The following CSMD1 variants were observed in gnomAD, a reference collection of about 807,000 sequenced individuals.
CSMD1 encodes the protein CUB and Sushi multiple domains 1.
A neutral mutation model predicts 417.5 loss-of-function variants in CSMD1; 213 were observed. The ratio of observed to expected loss-of-function variants is 0.51; its 90% confidence interval spans 0.46 to 0.57. CSMD1 has a LOEUF of 0.57. Among genes scored for constraint, CSMD1 ranks in the 20% least tolerant of loss-of-function variants. The pLI is 0.00. For synonymous variants in CSMD1, 2,862 were observed against 1,736.8 expected (o/e 1.65, Z -16.11); for missense variants, 6,923 against 4,529.7 (o/e 1.53, Z -15.17).
intron 4 of CSMD1, among the ~76,000 whole-genome samples, chr8:3,999,398 A>G (rs953393707): frequency 6.6e-6 from 1 of 152,120 alleles, no homozygotes; most frequent in African/African-American, 2.4e-5. Flanking sequence ...ACCTCCTTTT[A>G]TTAACTCTTC....
intron 5 of CSMD1, among the ~76,000 whole-genome samples, chr8:3,926,049 CAT>C (rs1219105288): frequency 0.019 from 701 of 37,084 alleles, 3 homozygotes; most frequent in Non-Finnish European, 0.023. Context: ...ACACAAACAC[CAT>C]ATACACACAC....
In CSMD1 at chr8:4,414,772, G is replaced by C. The variant is rs576251777; in HGVS notation, c.415+5181C>G. 2.1e-3 allele frequency among the ~76,000 whole-genome samples: 325 copies of C among 152,238 alleles called. 1 individual carries two copies. The highest frequency in any genetic ancestry group is 7.0e-3 in the African/African-American group (291 of 41,550). The stretch of plus-strand genomic sequence containing the variant: ...GATTTTTATCCAAAAATATTTTTGA[G>C]TATGTATCATGTGCCAAGTGTCAAG... On this transcript the variant is annotated intron_variant, in intron 3 of 69. Coordinates refer to ENST00000635120, the MANE Select transcript of CSMD1 (RefSeq NM_033225.6).
At chr8:4,810,699 T>C (rs1295925708) in intron 1 of CSMD1, among the ~76,000 whole-genome samples, 1 of 152,192 alleles carries the variant, frequency 6.6e-6, no homozygotes, top group Admixed American at 6.5e-5. Context: ...GTCAATGAGA[T>C]TCCGTCATCT....
At chr8:4,328,087 T>G (rs948964971) in intron 3 of CSMD1, among the ~76,000 whole-genome samples, 1 of 152,146 alleles carries the variant, frequency 6.6e-6, no homozygotes, top group African/African-American at 2.4e-5. Context: ...ACATGATATG[T>G]AACAGAAACT....
intron 37 of CSMD1, among the ~76,000 whole-genome samples, chr8:3,180,692 G>A (rs1262818299): frequency 6.6e-6 from 1 of 152,158 alleles, no homozygotes; most frequent in Non-Finnish European, 1.5e-5. Flanking sequence ...CTGGTGTGCA[G>A]TGGTGCAATC....
chr8:4,143,748 A>C (rs1297470205), intron 3 of CSMD1, among the ~76,000 whole-genome samples: 1 of 151,152 alleles, frequency 6.6e-6, no homozygotes, highest in Non-Finnish European at 1.5e-5. Flanking sequence ...GAAAGGGGGG[A>C]TTTATTAAAG....
intron 3 of CSMD1, among the ~76,000 whole-genome samples, chr8:4,403,609 C>A (rs1214405994): frequency 1.3e-5 from 2 of 152,110 alleles, no homozygotes; most frequent in African/African-American, 4.8e-5. Flanking sequence ...CTAAGAACTC[C>A]CCCTTTTCAC....
At chr8:3,383,923 T>A (rs1159214653) in intron 18 of CSMD1, among the ~76,000 whole-genome samples, 1 of 152,170 alleles carries the variant, frequency 6.6e-6, no homozygotes, top group Non-Finnish European at 1.5e-5. Context: ...ACTGCCATAA[T>A]ATGGATGGAC....
intron 8 of CSMD1, among the ~76,000 whole-genome samples, chr8:3,597,225 G>T (rs557815329): frequency 6.6e-6 from 1 of 152,066 alleles, no homozygotes; most frequent in African/African-American, 2.4e-5. Context: ...GGTAAACATC[G>T]GGCCCCAGGG....
chr8:3,157,935 G>A lies in CSMD1; in HGVS notation c.5876C>T (p.Thr1959Ile), dbSNP rs1177709184. The change falls in exon 39 of 70, where the codon ACC (threonine) becomes ATC (isoleucine). Residue 1959 changes from threonine (T) to isoleucine (I), a missense_variant. Thr to Ile is a moderately conservative substitution (Grantham distance 89). Coordinates refer to ENST00000635120, the MANE Select transcript of CSMD1 (RefSeq NM_033225.6). ...AGACGGATAGTTCCAACGGCGAACG[G>A]TCCCTGGCATACAGGAAATGTGGGA... is the stretch of plus-strand genomic sequence containing the variant. ...GRSHISCMPGTVRRWNYPSPL... is the reference protein window; with the variant it reads ...GRSHISCMPGIVRRWNYPSPL... The A allele has an allele frequency of 3.2e-6, 5 of 1,554,924 alleles. No homozygotes were observed. The highest frequency in any genetic ancestry group is 3.5e-6 in the Non-Finnish European group (4 of 1,148,816).
intron 5 of CSMD1, among the ~76,000 whole-genome samples, chr8:3,967,249 C>A (rs181065178): frequency 6.6e-6 from 1 of 150,812 alleles, no homozygotes; most frequent in African/African-American, 2.4e-5. Flanking sequence ...TGATCTAATT[C>A]TTCTGCTTTT....
chr8:3,881,750 G>C (rs762010470), intron 5 of CSMD1, among the ~76,000 whole-genome samples: 1 of 151,906 alleles, frequency 6.6e-6, no homozygotes, highest in Admixed American at 6.6e-5. Context: ...ATTTACTCCA[G>C]AAATTAATTA....
intron 5 of CSMD1, among the ~76,000 whole-genome samples, chr8:3,951,985 T>G (rs779068706): frequency 6.6e-6 from 1 of 152,150 alleles, no homozygotes; most frequent in Non-Finnish European, 1.5e-5. Flanking sequence ...TTTTCCCTGA[T>G]TACACTTGGA....
intron 5 of CSMD1, among the ~76,000 whole-genome samples, chr8:3,989,719 T>A (rs985259544): frequency 6.6e-6 from 1 of 152,240 alleles, no homozygotes; most frequent in African/African-American, 2.4e-5. Context: ...ACTTAGATAC[T>A]TGTATTTACT....
chr8:4,634,961 T>A (rs776916851), intron 2 of CSMD1, among the ~76,000 whole-genome samples: 65 of 152,148 alleles, frequency 4.3e-4, no homozygotes, highest in Non-Finnish European at 7.9e-4. Context: ...CACTCTGCAC[T>A]CCTCGAACGT....
intron 55 of CSMD1, among the ~76,000 whole-genome samples, chr8:2,976,585 G>C (rs1297331668): frequency 6.6e-6 from 1 of 152,172 alleles, no homozygotes; most frequent in African/African-American, 2.4e-5. Context: ...CTGGCCTCAA[G>C]AGATCCACCT....
At chr8:3,046,982 G>T (rs1363561108) in intron 50 of CSMD1, among the ~76,000 whole-genome samples, 2 of 152,098 alleles carry the variant, frequency 1.3e-5, no homozygotes, top group African/African-American at 4.8e-5. Flanking sequence ...GGCCGAGGCG[G>T]GTGAATCATG....
chr8:4,794,855 C>A (rs1188250739), intron 1 of CSMD1, among the ~76,000 whole-genome samples: 2 of 152,136 alleles, frequency 1.3e-5, no homozygotes, highest in African/African-American at 4.8e-5. Context: ...AAGACAAGAA[C>A]TGGAGTCAGG....
At chr8:4,207,654 C>G (rs947603081) in intron 3 of CSMD1, among the ~76,000 whole-genome samples, 1 of 151,954 alleles carries the variant, frequency 6.6e-6, no homozygotes, top group Non-Finnish European at 1.5e-5. Context: ...TTTATGTATT[C>G]CTACATAAAT....
Sources: allele counts gnomAD v4.1 joint callset (sites outside exome capture counted in the v4.1 genomes callset), GRCh38; gene constraint gnomAD v4.1.1; transcripts MANE v1.5; gene names NCBI Gene and HGNC (gene_info 2026-07-23, HGNC 2026-07-21).